The following PARVB variants were observed in gnomAD, a reference collection of about 807,000 sequenced individuals.
PARVB encodes beta-parvin.
A neutral mutation model predicts 47.0 loss-of-function variants in PARVB; 46 were observed. That is an observed-to-expected ratio of 0.98 (90% CI 0.77 to 1.25). The LOEUF (loss-of-function observed/expected upper bound fraction) is 1.25, where lower values mean the gene tolerates loss of function less well. Among genes scored for constraint, PARVB ranks in the 50% most tolerant of loss-of-function variants. The pLI, the probability that PARVB is intolerant of heterozygous loss-of-function variation, is 0.00. For missense variants in PARVB, 473 were observed against 471.6 expected (o/e 1.00, Z -0.03); for synonymous variants, 196 against 196.3 (o/e 1.00, Z 0.01).
Position 44,147,907 on chromosome 22 carries a change from C to T in PARVB, c.759C>T (p.Leu253=), listed in dbSNP as rs757502142. 6.2e-7 allele frequency: 1 copy of T among 1,613,884 alleles called. No homozygotes were observed. The highest frequency in any genetic ancestry group is 1.3e-5 in the African/African-American group (1 of 74,930). The change falls in exon 9 of 13, where the codon CTC becomes CTT. Residue 253 remains leucine (L), a synonymous_variant. Transcript: ENST00000338758. ...TGTTCGACCACGCCCCGGATAAGCT[C>T]AGCGTGGTGAAGAAGGTGAGCTATT... ...DTLFDHAPDK[L]SVVKKSLITF... is the part of the protein sequence containing the mutation.
intron 1 of PARVB, among the ~76,000 whole-genome samples, chr22:44,065,842 GGTGTGTGTGTGTGTGCATGT>G (rs1337417065): frequency 2.1e-5 from 3 of 144,748 alleles, no homozygotes; most frequent in Admixed American, 7.0e-5. Flanking sequence ...AGTATTCCAT[GGTGTGTGTGTGTGTGCATGT>G]GTGTGTGTGT....
chr22:44,040,872 A>G lies in PARVB; in HGVS notation c.112+16421A>G, dbSNP rs1007667672. Among the ~76,000 whole-genome samples, 24 of 151,988 alleles carry G rather than the reference A, an allele frequency of 1.6e-4. 1 individual carries two copies. Among genetic ancestry groups the G allele is most frequent in the Admixed American group, 1.3e-3 (20 of 15,252 alleles). On this transcript the variant is annotated intron_variant, in intron 1 of 12. Coordinates refer to ENST00000338758, the MANE Select transcript of PARVB (RefSeq NM_013327.5). ...CAAAAAATTAGCCGGGCGTGGTGGC[A>G]GGCGCCTGTAGTCCCAGCTACTCGA...
intron 1 of PARVB, among the ~76,000 whole-genome samples, chr22:44,033,835 G>C (rs781766098): frequency 7.9e-5 from 12 of 152,158 alleles, no homozygotes; most frequent in Non-Finnish European, 1.6e-4. Context: ...TGCGTACGTT[G>C]CTTGCTCAAA....
In PARVB at chr22:43,999,508, C is replaced by CA. The variant is rs2050389251; in HGVS notation, c.72-20dup. 3 of 1,565,678 alleles carry CA rather than the reference C, an allele frequency of 1.9e-6. 1 individual carries two copies. Among genetic ancestry groups the CA allele is most frequent in the African/African-American group, 2.7e-5 (2 of 73,880 alleles). On this transcript the variant is annotated intron_variant, in intron 1 of 13. Transcript: ENST00000406477. The stretch of plus-strand genomic sequence containing the variant: ...CTCTTGAGAAACTGGATCCGACAAA[C>CA]AAAAAATGTTCATTCCTACCTGCAG...
At chr22:44,117,340 A>T (rs2052931211) in intron 3 of PARVB, among the ~76,000 whole-genome samples, 1 of 150,982 alleles carries the variant, frequency 6.6e-6, no homozygotes, top group Non-Finnish European at 1.5e-5. Flanking sequence ...GTAGAGGGTG[A>T]AGGAGGAGGG....
intron 3 of PARVB, among the ~76,000 whole-genome samples, chr22:44,101,939 G>A (rs2052457398): frequency 1.3e-5 from 2 of 152,160 alleles, no homozygotes; most frequent in Admixed American, 6.5e-5. Flanking sequence ...GTTCTTGGGG[G>A]ATATTTAAGC....
At chr22:44,153,852 T>C (rs1789890258) in intron 10 of PARVB, among the ~76,000 whole-genome samples, 1 of 152,232 alleles carries the variant, frequency 6.6e-6, no homozygotes, top group African/African-American at 2.4e-5. Flanking sequence ...TGCACCTCAT[T>C]AAACCAGTGC....
intron 2 of PARVB, among the ~76,000 whole-genome samples, chr22:44,005,170 G>A (rs1400597117): frequency 1.3e-5 from 2 of 152,078 alleles, no homozygotes; most frequent in African/African-American, 4.8e-5. Context: ...CACAATCACG[G>A]CTCACTGCAG....
intron 1 of PARVB, among the ~76,000 whole-genome samples, chr22:44,059,244 C>G (rs146867361): frequency 3.3e-5 from 5 of 152,074 alleles, no homozygotes; most frequent in African/African-American, 1.2e-4. Context: ...CGGGGTTTCA[C>G]AATGTTGGCC....
rs1206490153 is a variant in PARVB at position 44,103,787 on chromosome 22, C to T, written c.273+3664C>T. The T allele has an allele frequency of 1.3e-5, 2 of 152,166 alleles. No homozygotes were observed. The highest frequency in any genetic ancestry group is 4.8e-5 in the African/African-American group (2 of 41,422). The allele number at this position is 152,166 out of a possible 1,614,324, so 9.4% of individuals were successfully genotyped here. A position where few individuals can be genotyped will look rare whatever the true frequency, so the allele number is the denominator to read the frequency against. ...CTGGCTCTGAAGATGGAAGAAGGGG[C>T]CATGCACTAATGGATGCAGGCGGCC... On this transcript the variant is annotated intron_variant, in intron 3 of 12. Coordinates refer to ENST00000338758, the MANE Select transcript of PARVB (RefSeq NM_013327.5). The surrounding 1 kb of genome is among the most constrained non-coding windows in gnomAD (Gnocchi z 4.6).
At chr22:44,006,833 G>A (rs546253846) in intron 2 of PARVB, among the ~76,000 whole-genome samples, 2 of 152,242 alleles carry the variant, frequency 1.3e-5, no homozygotes, top group South Asian at 4.1e-4. Flanking sequence ...TCCTGGACAG[G>A]CAGCCAGAAA....
At chr22:44,067,026 G>A (rs1200587997) in intron 1 of PARVB, among the ~76,000 whole-genome samples, 1 of 152,076 alleles carries the variant, frequency 6.6e-6, no homozygotes. Context: ...AGTTTTTGTA[G>A]AGACAGGGTC....
intron 4 of PARVB, among the ~76,000 whole-genome samples, chr22:44,128,829 G>T (rs1340553008): frequency 6.6e-6 from 1 of 152,212 alleles, no homozygotes; most frequent in Non-Finnish European, 1.5e-5. Flanking sequence ...TGTAATCCCA[G>T]CACTTCCGGA....
At chr22:44,020,217 C>T (rs2050632333), upstream of PARVB, among the ~76,000 whole-genome samples, 1 of 150,130 alleles carries the variant, frequency 6.7e-6, no homozygotes, top group East Asian at 1.9e-4. Flanking sequence ...GGCTCTGTTG[C>T]CCAGGCTGGA....
At chr22:44,087,953 C>T (rs1021305769) in intron 1 of PARVB, among the ~76,000 whole-genome samples, 2 of 149,726 alleles carry the variant, frequency 1.3e-5, no homozygotes, top group Admixed American at 6.7e-5. Flanking sequence ...TCAAAGCTGA[C>T]GCTTCCCGAG....
upstream of PARVB, among the ~76,000 whole-genome samples, chr22:44,022,133 T>TCCA (rs1245924932): frequency 6.6e-6 from 1 of 152,066 alleles, no homozygotes; most frequent in Non-Finnish European, 1.5e-5. Context: ...TTGGTTTTCC[T>TCCA]CCACCGTGCC....
At chr22:44,015,212 T>C (rs936860412) in intron 2 of PARVB, among the ~76,000 whole-genome samples, 1 of 150,748 alleles carries the variant, frequency 6.6e-6, no homozygotes, top group East Asian at 1.9e-4. Context: ...ATACAGGAGA[T>C]AGAAAGAAAT....
chr22:44,092,416 T>C (rs2052192144), intron 1 of PARVB, among the ~76,000 whole-genome samples: 1 of 152,234 alleles, frequency 6.6e-6, no homozygotes, highest in Non-Finnish European at 1.5e-5. Context: ...ACCTGGGTTA[T>C]TTCTACTTTT....
At position 44,068,593 on chromosome 22, in the gene PARVB, C is replaced by T. The variant is rs1225666638; in HGVS notation, c.113-25335C>T. Among the ~76,000 whole-genome samples the T allele has an allele frequency of 6.6e-6, 1 of 152,176 alleles. No individual in the cohort carries two copies. Among genetic ancestry groups the T allele is most frequent in the Non-Finnish European group, 1.5e-5 (1 of 68,028 alleles). ...TCGTGGAAACGGGGTGGCAAGTGTT[C>T]CATGTGTTAGCATTTGGTCCTCCTG... is the stretch of plus-strand genomic sequence containing the variant. On this transcript the variant is annotated intron_variant, in intron 1 of 12. Coordinates refer to ENST00000338758, the MANE Select transcript of PARVB (RefSeq NM_013327.5). This position sits in a 1 kb window ranked among gnomAD's most constrained non-coding sequence, Gnocchi z 4.1.
Sources: gnomAD v4.1 joint callset for allele counts (sites outside exome capture counted in the v4.1 genomes callset) on GRCh38, gnomAD v4.1.1 for gene constraint, Gnocchi (gnomAD v3.1) non-coding constraint, MANE v1.5 for transcripts, NCBI Gene and HGNC (gene_info 2026-07-23, HGNC 2026-07-21) for gene names.